Variants in METTL15 observed in about 807,000 individuals in gnomAD.
METTL15 encodes 12S rRNA N(4)-cytidine methyltransferase METTL15.
Under a neutral mutation model 38.3 loss-of-function variants are expected in METTL15, and 34 were observed. The observed-to-expected ratio is 0.89, with a 90% confidence interval of 0.68 to 1.18. The LOEUF (loss-of-function observed/expected upper bound fraction) is 1.18. Among genes scored for constraint, METTL15 ranks in the 50% most tolerant of loss-of-function variants. The probability of loss-of-function intolerance (pLI) is 0.00; values close to 1 mark genes in which losing one functional copy is unlikely to be tolerated. For missense variants in METTL15, 438 were observed against 498.4 expected (o/e 0.88, Z 1.15); for synonymous variants, 162 against 170.9 (o/e 0.95, Z 0.41).
chr11:28,235,224 T>C (rs1004410626), intron 4 of METTL15, among the ~76,000 whole-genome samples: 1 of 151,936 alleles, frequency 6.6e-6, no homozygotes, highest in African/African-American at 2.4e-5. Flanking sequence ...TAGTATAGTT[T>C]GAAGTCAGGT....
At chr11:28,274,940 AATAT>A (rs928517072) in intron 4 of METTL15, among the ~76,000 whole-genome samples, 84 of 151,106 alleles carry the variant, frequency 5.6e-4, no homozygotes, top group African/African-American at 1.9e-3. Context: ...TATAATACAA[AATAT>A]ATATATATAA....
At chr11:28,155,991 G>A (rs1047694640) in intron 3 of METTL15, among the ~76,000 whole-genome samples, 6 of 152,154 alleles carry the variant, frequency 3.9e-5, no homozygotes, top group East Asian at 1.9e-4. Context: ...TGTGGTAAAC[G>A]TGACTTAGCA....
intron 6 of METTL15, among the ~76,000 whole-genome samples, chr11:28,476,758 C>T (rs1261449225): frequency 6.6e-6 from 1 of 152,152 alleles, no homozygotes; most frequent in Non-Finnish European, 1.5e-5. Context: ...ACACCTTAAG[C>T]TAACCAGTGA....
intron 4 of METTL15, among the ~76,000 whole-genome samples, chr11:28,353,722 G>A (rs1262973987): frequency 2.0e-5 from 3 of 151,624 alleles, no homozygotes; most frequent in Non-Finnish European, 4.4e-5. Flanking sequence ...TCAGGAGATC[G>A]AGACCATCCT....
intron 3 of METTL15, chr11:28,122,056 TAAA>T: frequency 1.3e-6 from 1 of 789,424 alleles, no homozygotes; most frequent in Non-Finnish European, 1.6e-6. Context: ...TTTTAGTTAA[TAAA>T]AGTTATAGTT....
At chr11:28,207,273 G>A (rs1025277896) in intron 3 of METTL15, among the ~76,000 whole-genome samples, 1 of 151,912 alleles carries the variant, frequency 6.6e-6, no homozygotes, top group African/African-American at 2.4e-5. Context: ...ATTATTTTGA[G>A]ATACGTCCCA....
Position 28,225,272 on chromosome 11 carries a change from A to C in METTL15, c.407+14074A>C, listed in dbSNP as rs145319313. 2.6e-4 allele frequency among the ~76,000 whole-genome samples: 40 copies of C among 151,956 alleles called. No individual in the cohort carries two copies. In the East Asian group the frequency reaches 7.7e-3, roughly 29 times the overall value. ...CATTTTAATTTATTTCAATGGGCCT[A>C]CTAGCCTTTTTATAATATTTTCAAT... On this transcript the variant is annotated intron_variant, in intron 4 of 6. Transcript: ENST00000407364.
chr11:28,207,661 T>TTGA (rs1404661189), intron 3 of METTL15, among the ~76,000 whole-genome samples: 6 of 152,180 alleles, frequency 3.9e-5, no homozygotes, highest in Non-Finnish European at 8.8e-5. Context: ...TTTCTATAGA[T>TTGA]TGAAATAGTT....
intron 5 of METTL15, among the ~76,000 whole-genome samples, chr11:28,370,033 G>T (rs920610687): frequency 5.9e-5 from 9 of 152,046 alleles, no homozygotes; most frequent in African/African-American, 2.2e-4. Context: ...GTGAAACTGG[G>T]ATATTCATCA....
At chr11:28,262,412 C>T (rs1428973832) in intron 4 of METTL15, among the ~76,000 whole-genome samples, 1 of 150,810 alleles carries the variant, frequency 6.6e-6, no homozygotes, top group African/African-American at 2.4e-5. Flanking sequence ...TATATATATG[C>T]TATATACACA....
At chr11:28,444,524 G>A (rs1035223412) in intron 6 of METTL15, among the ~76,000 whole-genome samples, 1 of 152,116 alleles carries the variant, frequency 6.6e-6, no homozygotes, top group African/African-American at 2.4e-5. Flanking sequence ...CACAGAATTG[G>A]GATGCCATGT....
At chr11:28,186,762 T>C (rs1851509792) in intron 3 of METTL15, among the ~76,000 whole-genome samples, 1 of 151,174 alleles carries the variant, frequency 6.6e-6, no homozygotes, top group Admixed American at 6.6e-5. Flanking sequence ...TATTGTAATA[T>C]AACATTTTTT....
At chr11:28,342,250 T>C (rs1849959421) in intron 3 of METTL15, among the ~76,000 whole-genome samples, 1 of 151,732 alleles carries the variant, frequency 6.6e-6, no homozygotes, top group Admixed American at 6.6e-5. Context: ...GATTCTATTT[T>C]TTTATTTTTA....
chr11:28,296,410 A>G (rs1402490188), intron 5 of METTL15, among the ~76,000 whole-genome samples: 2 of 152,176 alleles, frequency 1.3e-5, no homozygotes, highest in Admixed American at 6.5e-5. Flanking sequence ...AGTAATTTAA[A>G]TTTTGAACAA....
intron 3 of METTL15, among the ~76,000 whole-genome samples, chr11:28,142,569 C>T (rs191067491): frequency 5.7e-4 from 87 of 152,174 alleles, no homozygotes; most frequent in Admixed American, 3.9e-3. Context: ...GGGCCTAGTG[C>T]AGGAGCTTAG....
intron 6 of METTL15, among the ~76,000 whole-genome samples, chr11:28,475,657 T>C (rs1851339779): frequency 6.6e-6 from 1 of 152,210 alleles, no homozygotes; most frequent in African/African-American, 2.4e-5. Context: ...AGTGTTATCT[T>C]TTAGGCTCCC....
At chr11:28,284,442 G>C (rs1194278389) in intron 4 of METTL15, among the ~76,000 whole-genome samples, 1 of 152,144 alleles carries the variant, frequency 6.6e-6, no homozygotes, top group East Asian at 1.9e-4. Context: ...ATTAAGACTG[G>C]ACAGTAGCGA....
At chr11:28,458,914 G>A (rs1463810701) in intron 6 of METTL15, among the ~76,000 whole-genome samples, 2 of 152,156 alleles carry the variant, frequency 1.3e-5, no homozygotes, top group African/African-American at 4.8e-5. Flanking sequence ...ATTCTTTTAT[G>A]TAGTCACTTT....
At chr11:28,380,674 G>T (rs1460578809) in intron 5 of METTL15, among the ~76,000 whole-genome samples, 1 of 151,994 alleles carries the variant, frequency 6.6e-6, no homozygotes, top group African/African-American at 2.4e-5. Flanking sequence ...TTGTGATCAG[G>T]CTTATTAAAA....
Sources: gnomAD v4.1 joint callset for allele counts (sites outside exome capture counted in the v4.1 genomes callset) on GRCh38, gnomAD v4.1.1 for gene constraint, MANE v1.5 for transcripts, NCBI Gene and HGNC (gene_info 2026-07-23, HGNC 2026-07-21) for gene names.